The following PRKG1 variants were observed in gnomAD, a reference collection of about 807,000 sequenced individuals.
The protein encoded by PRKG1 is cGMP-dependent protein kinase 1.
A neutral mutation model predicts 88.1 loss-of-function variants in PRKG1; 35 were observed. The observed-to-expected ratio is 0.40, with a 90% CI of 0.30 to 0.53. The LOEUF (loss-of-function observed/expected upper bound fraction) is 0.53. PRKG1 is among the 20% of genes least tolerant of loss of function. The probability of loss-of-function intolerance (pLI) is 0.59; values close to 1 mark genes in which losing one functional copy is unlikely to be tolerated. For synonymous variants in PRKG1, 303 were observed against 292.5 expected, an observed-to-expected ratio of 1.04 and a Z score of -0.37; for missense variants, 540 against 839.8, an observed-to-expected ratio of 0.64 and a Z score of 4.41.
intron 4 of PRKG1, among the ~76,000 whole-genome samples, chr10:51,809,552 T>C (rs1412138901): frequency 5.9e-5 from 9 of 152,216 alleles, no homozygotes; most frequent in Admixed American, 4.6e-4. Context: ...TGTGTGACCA[T>C]TGGGGTTTAC....
At chr10:51,786,257 TC>T (rs1171623636) in intron 3 of PRKG1, among the ~76,000 whole-genome samples, 1 of 152,114 alleles carries the variant, frequency 6.6e-6, no homozygotes, top group Non-Finnish European at 1.5e-5. Flanking sequence ...GGCTGGTGGA[TC>T]TGTTATTTCT....
intron 3 of PRKG1, among the ~76,000 whole-genome samples, chr10:51,665,984 G>A (rs560503177): frequency 2.0e-5 from 3 of 151,870 alleles, no homozygotes; most frequent in African/African-American, 7.2e-5. Context: ...CAATGTCCTG[G>A]GAAACTGTGA....
chr10:51,089,556 C>T (rs1844347576), intron 1 of PRKG1, among the ~76,000 whole-genome samples: 1 of 152,172 alleles, frequency 6.6e-6, no homozygotes, highest in Non-Finnish European at 1.5e-5. Flanking sequence ...TGTCTCTTAG[C>T]TCTTCAGGAT....
At chr10:52,163,375 T>C (rs1318249303) in intron 9 of PRKG1, among the ~76,000 whole-genome samples, 2 of 150,022 alleles carry the variant, frequency 1.3e-5, no homozygotes, top group Admixed American at 6.7e-5. Context: ...ATATTAAATA[T>C]ACATGTATAT....
chr10:51,198,843 C>T (rs1294642405), intron 2 of PRKG1, among the ~76,000 whole-genome samples: 2 of 152,180 alleles, frequency 1.3e-5, no homozygotes, highest in African/African-American at 2.4e-5. Flanking sequence ...GTTGAAACCC[C>T]TAAGTAAGAT....
chr10:51,748,824 C>T (rs760443488), intron 3 of PRKG1, among the ~76,000 whole-genome samples: 1 of 152,170 alleles, frequency 6.6e-6, no homozygotes, highest in South Asian at 2.1e-4. Flanking sequence ...ACATATGTAA[C>T]ACTCTCAAAA....
intron 7 of PRKG1, among the ~76,000 whole-genome samples, chr10:52,118,781 TA>T (rs914585988): frequency 6.6e-6 from 1 of 152,104 alleles, no homozygotes; most frequent in African/African-American, 2.4e-5. Flanking sequence ...CACTAAATGA[TA>T]AAGTCACTAA....
At chr10:52,153,495 T>C (rs1837999601) in intron 8 of PRKG1, among the ~76,000 whole-genome samples, 2 of 152,186 alleles carry the variant, frequency 1.3e-5, no homozygotes, top group Non-Finnish European at 2.9e-5. Context: ...AAGAACACTG[T>C]GGATTTCACT....
chr10:51,546,667 G>A (rs958538327), intron 3 of PRKG1, among the ~76,000 whole-genome samples: 1 of 151,992 alleles, frequency 6.6e-6, no homozygotes, highest in Non-Finnish European at 1.5e-5. Flanking sequence ...ATAAACCTCT[G>A]AAGATTTTTA....
At chr10:52,022,899 T>A (rs373914347) in intron 5 of PRKG1, among the ~76,000 whole-genome samples, 5 of 152,034 alleles carry the variant, frequency 3.3e-5, no homozygotes, top group African/African-American at 1.2e-4. Context: ...ATGCAGAACT[T>A]TTGGTCGTAA....
chr10:51,959,850 C>A (rs1190117212), intron 5 of PRKG1, among the ~76,000 whole-genome samples: 1 of 152,010 alleles, frequency 6.6e-6, no homozygotes, highest in African/African-American at 2.4e-5. Context: ...CTTGTGTTCT[C>A]TAAATTCATT....
intron 10 of PRKG1, among the ~76,000 whole-genome samples, chr10:52,267,174 G>C (rs114535669): frequency 0.01 from 1,527 of 152,074 alleles, 27 homozygotes; most frequent in African/African-American, 0.035. Flanking sequence ...GATTAGGTTT[G>C]TTAAAATATT....
At chr10:51,781,062 G>A (rs964617944) in intron 3 of PRKG1, among the ~76,000 whole-genome samples, 2 of 151,846 alleles carry the variant, frequency 1.3e-5, no homozygotes, top group Non-Finnish European at 2.9e-5. Flanking sequence ...CGTTGGATGG[G>A]GTGGTGTTTA....
At chr10:51,058,842 C>T (rs1228411311) in intron 1 of PRKG1, among the ~76,000 whole-genome samples, 1 of 152,038 alleles carries the variant, frequency 6.6e-6, no homozygotes, top group Non-Finnish European at 1.5e-5. Flanking sequence ...GTATATCACA[C>T]AAAAAGGGGC....
At chr10:52,219,463 C>G (rs137998765) in intron 9 of PRKG1, among the ~76,000 whole-genome samples, 2 of 152,150 alleles carry the variant, frequency 1.3e-5, no homozygotes, top group African/African-American at 4.8e-5. Flanking sequence ...CCCAACATCT[C>G]ACTTTGCATA....
intron 9 of PRKG1, among the ~76,000 whole-genome samples, chr10:52,188,328 A>G (rs918898688): frequency 1.4e-5 from 2 of 142,772 alleles, no homozygotes; most frequent in Admixed American, 1.4e-4. Context: ...GTATATATAT[A>G]CACATATATA....
intron 5 of PRKG1, among the ~76,000 whole-genome samples, chr10:52,006,050 AC>A (rs1184788195): frequency 6.6e-6 from 1 of 151,620 alleles, no homozygotes; most frequent in South Asian, 2.1e-4. Context: ...CCATAATCAA[AC>A]CCCCAAGGGC....
At chr10:51,125,331 T>C (rs559447296) in intron 1 of PRKG1, among the ~76,000 whole-genome samples, 4 of 151,376 alleles carry the variant, frequency 2.6e-5, no homozygotes, top group Non-Finnish European at 1.5e-5. Context: ...TTCAAAAAAA[T>C]TAATAAATTA....
chr10:51,993,401 G>A (rs1390051565), intron 5 of PRKG1, among the ~76,000 whole-genome samples: 3 of 152,062 alleles, frequency 2.0e-5, no homozygotes, highest in Non-Finnish European at 2.9e-5. Flanking sequence ...AAACTTTGAC[G>A]TGAGGAACAA....
Sources: gnomAD v4.1 joint callset for allele counts (sites outside exome capture counted in the v4.1 genomes callset) on GRCh38, gnomAD v4.1.1 for gene constraint, MANE v1.5 for transcripts, NCBI Gene and HGNC (gene_info 2026-07-23, HGNC 2026-07-21) for gene names.